MAP4: variants seen among roughly 807,000 people sequenced by gnomAD.
MAP4 encodes microtubule associated protein 4, also known as microtubule-associated protein 4.
MAP4 carries 76 observed loss-of-function variants against 170.2 expected under a neutral mutation model. The ratio of observed to expected loss-of-function variants is 0.45; its 90% confidence interval spans 0.37 to 0.54. The LOEUF is 0.54. Among genes scored for constraint, MAP4 ranks in the 20% least tolerant of loss-of-function variants. The probability of loss-of-function intolerance (pLI) is 0.00; values close to 1 mark genes in which losing one functional copy is unlikely to be tolerated. For missense variants in MAP4, 2,506 were observed against 2,748.0 expected (o/e 0.91, Z 1.97); for synonymous variants, 909 against 994.5 (o/e 0.91, Z 1.62).
chr3:48,008,786 G>A (rs2100103763), intron 1 of MAP4, among the ~76,000 whole-genome samples: 1 of 152,188 alleles, frequency 6.6e-6, no homozygotes, highest in Admixed American at 6.5e-5. Flanking sequence ...CATGGTGGCA[G>A]GGATGGAAGT....
chr3:48,088,058 A>G (rs1439574720), intron 1 of MAP4, among the ~76,000 whole-genome samples: 1 of 152,148 alleles, frequency 6.6e-6, no homozygotes, highest in Non-Finnish European at 1.5e-5. Flanking sequence ...CCTCCACAGG[A>G]CAATTTCACC....
At chr3:48,018,965 T>C (rs1460079545), upstream of MAP4, among the ~76,000 whole-genome samples, 2 of 152,156 alleles carry the variant, frequency 1.3e-5, no homozygotes, top group African/African-American at 4.8e-5. Flanking sequence ...TTATTAGGCA[T>C]AGCAATAAAA....
intron 4 of MAP4, among the ~76,000 whole-genome samples, chr3:47,924,784 A>C (rs1260240518): frequency 6.6e-6 from 1 of 151,874 alleles, no homozygotes; most frequent in African/African-American, 2.4e-5. Context: ...CATGATTAGT[A>C]AACACAGAGT....
Position 48,032,502 on chromosome 3 carries a change from C to CA in MAP4, c.-19-33624dup, listed in dbSNP as rs1223511965. ...TGGGCAAGAGAGCAAGACTCCGTCT[C>CA]AAAAAAAAAAAAATTAGCCAGGTGT... is the stretch of plus-strand genomic sequence containing the variant. On this transcript the variant is annotated intron_variant, in intron 1 of 18. Coordinates refer to the MAP4 transcript ENST00000360240. 3.1e-3 allele frequency among the ~76,000 whole-genome samples: 364 copies of CA among 119,332 alleles called. 1 individual carries two copies. Among genetic ancestry groups the CA allele is most frequent in the African/African-American group, 7.1e-3 (228 of 32,100 alleles). The allele number at this position is 119,332 out of a possible 152,430, so 78.3% of individuals were successfully genotyped here.
At chr3:48,049,263 TTA>T (rs1331027686) in intron 1 of MAP4, among the ~76,000 whole-genome samples, 2 of 152,218 alleles carry the variant, frequency 1.3e-5, no homozygotes, top group Non-Finnish European at 2.9e-5. Flanking sequence ...AACATAAATT[TTA>T]TTTTATTTGG....
intron 1 of MAP4, among the ~76,000 whole-genome samples, chr3:48,067,894 C>A (rs1447563034): frequency 6.6e-6 from 1 of 152,146 alleles, no homozygotes; most frequent in Non-Finnish European, 1.5e-5. Context: ...CCTGCCTTGG[C>A]CTCCCAAAGT....
intron 19 of MAP4, among the ~76,000 whole-genome samples, chr3:47,854,915 G>A (rs1422988422): frequency 6.6e-6 from 1 of 152,200 alleles, no homozygotes; most frequent in Non-Finnish European, 1.5e-5. Context: ...AGAACTGTGT[G>A]GTGCAGAACC....
At chr3:47,856,187 T>A (rs963725696) in intron 18 of MAP4, among the ~76,000 whole-genome samples, 16 of 152,206 alleles carry the variant, frequency 1.1e-4, no homozygotes, top group Non-Finnish European at 1.8e-4. Flanking sequence ...CCCCTTCTCC[T>A]GTTCTTCCAT....
rs150619901 is a variant in MAP4 at position 47,977,278 on chromosome 3, C to T, written c.292+587G>A. On this transcript the variant is annotated intron_variant, in intron 3 of 20. Coordinates refer to ENST00000683076, the MANE Select transcript of MAP4 (RefSeq NM_001385682.1). ...TTGAGAATTTTGCTCACTACAAAGACATTGGGGCAGGGGGTTGGTGCTGGT... is the reference window on the plus strand; with the variant it reads ...TTGAGAATTTTGCTCACTACAAAGATATTGGGGCAGGGGGTTGGTGCTGGT... Among the ~76,000 whole-genome samples the T allele has an allele frequency of 5.5e-3, 842 of 152,262 alleles. 4 individuals are homozygous for T. The highest frequency in any genetic ancestry group is 9.4e-3 in the Non-Finnish European group (637 of 68,018).
chr3:48,002,384 A>C (rs1379818371), intron 1 of MAP4, among the ~76,000 whole-genome samples: 3 of 151,900 alleles, frequency 2.0e-5, no homozygotes, highest in Admixed American at 6.6e-5. Flanking sequence ...ACATACTGAG[A>C]CCCTGCCTCT....
chr3:47,914,315 T>C (rs369718779), intron 8 of MAP4, among the ~76,000 whole-genome samples: 96 of 152,144 alleles, frequency 6.3e-4, no homozygotes, highest in African/African-American at 2.2e-3. Context: ...CCCAACACTT[T>C]GGGAGGCTGA....
intron 1 of MAP4, among the ~76,000 whole-genome samples, chr3:48,040,484 C>T (rs926044104): frequency 3.9e-5 from 6 of 152,086 alleles, no homozygotes; most frequent in Non-Finnish European, 5.9e-5. Flanking sequence ...TTAGCCAGGA[C>T]GGTCTCGATC....
intron 12 of MAP4, among the ~76,000 whole-genome samples, chr3:47,872,648 A>G (rs1483732806): frequency 6.6e-6 from 1 of 152,182 alleles, no homozygotes; most frequent in Non-Finnish European, 1.5e-5. Flanking sequence ...ACAGAGAGTA[A>G]AACTACTTCA....
At chr3:48,083,874 T>C (rs1031781880) in intron 1 of MAP4, among the ~76,000 whole-genome samples, 5 of 149,806 alleles carry the variant, frequency 3.3e-5, no homozygotes, top group African/African-American at 7.4e-5. Context: ...TTACAGGCGC[T>C]TGCCACCATG....
rs1461057461 is a variant in MAP4 at position 48,061,894 on chromosome 3, G to A, written c.-20+26879C>T. ...CGTCCGGGAGGTGGGGGGCGCCTCC[G>A]CCCGGCCGCCACCCCGTCCGGGAGG... On this transcript the variant is annotated intron_variant, in intron 1 of 18. Transcript: ENST00000360240. 1.9e-4 allele frequency among the ~76,000 whole-genome samples: 28 copies of A among 144,698 alleles called. No homozygotes were observed. The South Asian group carries it at 2.9e-3, about 15-fold the overall frequency. 94.9% of individuals were successfully genotyped at this position (144,698 alleles called of 152,430 possible). A position where few individuals can be genotyped will look rare whatever the true frequency, so the allele number is the denominator to read the frequency against.
chr3:48,070,010 A>G (rs2100140194), intron 1 of MAP4, among the ~76,000 whole-genome samples: 1 of 152,038 alleles, frequency 6.6e-6, no homozygotes, highest in Admixed American at 6.6e-5. Context: ...GTCTCACTCC[A>G]TTACCCAGGC....
intron 1 of MAP4, among the ~76,000 whole-genome samples, chr3:48,023,574 T>C (rs2100111610): frequency 6.6e-6 from 1 of 152,218 alleles, no homozygotes; most frequent in Non-Finnish European, 1.5e-5. Context: ...TCTATTGGTC[T>C]CTAAGTCTGC....
chr3:47,964,627 AC>A (rs1056440983), intron 3 of MAP4, among the ~76,000 whole-genome samples: 3 of 152,106 alleles, frequency 2.0e-5, no homozygotes, highest in Non-Finnish European at 4.4e-5. Context: ...TTCTCACTCA[AC>A]CCCCTCATGG....
chr3:48,071,269 C>T (rs1390482054), intron 1 of MAP4, among the ~76,000 whole-genome samples: 1 of 151,846 alleles, frequency 6.6e-6, no homozygotes, highest in Non-Finnish European at 1.5e-5. Flanking sequence ...GGGCCAGGCA[C>T]GGTGGCTCAC....
Sources: gnomAD v4.1 joint callset for allele counts (sites outside exome capture counted in the v4.1 genomes callset) on GRCh38, gnomAD v4.1.1 for gene constraint, MANE v1.5 for transcripts, NCBI Gene and HGNC (gene_info 2026-07-23, HGNC 2026-07-21) for gene names.